The following HMCN2 variants were observed in gnomAD, a reference collection of about 807,000 sequenced individuals.
HMCN2 encodes hemicentin-2.
A neutral mutation model predicts 377.5 loss-of-function variants in HMCN2; 325 were observed. That is an observed-to-expected ratio of 0.86 (90% CI 0.79 to 0.94). HMCN2 has a LOEUF of 0.94. Ranked by LOEUF, HMCN2 falls within the 40% of genes least tolerant of loss-of-function variation. HMCN2 has a pLI of 0.00. For synonymous variants in HMCN2, 2,007 were observed against 2,046.8 expected (o/e 0.98, Z 0.53); for missense variants, 4,543 against 4,725.3 (o/e 0.96, Z 1.13).
chr9:130,350,254 G>A (rs1437871479), intron 29 of HMCN2, among the ~76,000 whole-genome samples: 3 of 150,982 alleles, frequency 2.0e-5, no homozygotes, highest in Admixed American at 1.3e-4. Context: ...TTCACATAAT[G>A]GGCTGGGTGT....
At chr9:130,348,933 G>A in intron 27 of HMCN2, 51 bp from the exon 28 acceptor site, 13 of 1,284,106 alleles carry the variant, frequency 1.0e-5, no homozygotes, top group Non-Finnish European at 1.2e-5. Context: ...TGATGCTGGG[G>A]GTGGTGGCTG....
intron 92 of HMCN2, among the ~76,000 whole-genome samples, chr9:130,427,948 C>T (rs1844485865): frequency 6.6e-6 from 1 of 152,208 alleles, no homozygotes; most frequent in South Asian, 2.1e-4. Context: ...TTCCAATTGA[C>T]TGAGACTGGC....
rs890568173 is a variant in HMCN2 at position 130,374,692 on chromosome 9, G to A, written c.7629G>A (p.Leu2543=). 6 of 985,694 alleles carry A rather than the reference G, an allele frequency of 6.1e-6. No individual in the cohort carries two copies. Among genetic ancestry groups the A allele is most frequent in the Admixed American group, 6.1e-5 (1 of 16,264 alleles). The allele number at this position is 985,694 out of a possible 1,614,324, so 61.1% of individuals were successfully genotyped here. ...CCAAACACTTCCAGCTCAGTGTCCT[G>A]TGTAAGTTTTGGGCATCTCCTGGCC... ...EKTKHFQLSV[L]LAPTILGGAE... The change falls in exon 49 of 98, where the codon CTG becomes CTA. Residue 2543 remains leucine (L), a splice_region_variant and synonymous_variant. Transcript: ENST00000683500.
chr9:130,406,329 C>T lies in HMCN2; in HGVS notation c.12553+161C>T, dbSNP rs889670996. ...CGTGGCCCTATGTAGGGGGACAGGG[C>T]AAACCCAGCTGTGGCCATATGTGAC... is the stretch of plus-strand genomic sequence containing the variant. On this transcript the variant is annotated intron_variant, in intron 82 of 97. Transcript: ENST00000683500. 4.1e-5 allele frequency: 20 copies of T among 484,918 alleles called. No homozygotes were observed. In the Admixed American group the frequency reaches 5.4e-4, roughly 13 times the overall value. The allele number at this position is 484,918 out of a possible 1,614,324, so 30.0% of individuals were successfully genotyped here.
chr9:130,427,572 C>A lies in HMCN2; in HGVS notation c.14018C>A (p.Thr4673Asn). The change falls in exon 92 of 98, where the codon ACC (threonine) becomes AAC (asparagine). Residue 4673 changes from threonine (T) to asparagine (N), a missense_variant. Coordinates refer to ENST00000683500, the MANE Select transcript of HMCN2 (RefSeq NM_001291815.2). ...AATGCACCCGGCCGCTTCTCCTGCACCTGCCCCACTGGCTTCGCCCTGGCC... is the reference window on the plus strand; with the variant it reads ...AATGCACCCGGCCGCTTCTCCTGCAACTGCCCCACTGGCTTCGCCCTGGCC... The part of the protein sequence containing the change: ...CLNAPGRFSC[T>N]CPTGFALAWD... 1 of 1,550,540 alleles carries A rather than the reference C, an allele frequency of 6.4e-7. No homozygotes were observed. The highest frequency in any genetic ancestry group is 8.7e-7 in the Non-Finnish European group (1 of 1,146,996).
At chr9:130,366,145 T>G in intron 43 of HMCN2, 150 bp downstream of exon 43, 1 of 518,422 alleles carries the variant, frequency 1.9e-6, no homozygotes, top group Non-Finnish European at 2.5e-6. Context: ...ACAGAAGTGG[T>G]GCTTCCCCCA....
chr9:130,367,717 G>A (rs553699926), intron 43 of HMCN2, among the ~76,000 whole-genome samples: 40 of 152,020 alleles, frequency 2.6e-4, no homozygotes, highest in Middle Eastern at 3.4e-3. Context: ...CGAGGCAGTG[G>A]GTCACCTGAG....
At chr9:130,313,015 G>A (rs1398743815) in intron 15 of HMCN2, among the ~76,000 whole-genome samples, 1 of 152,230 alleles carries the variant, frequency 6.6e-6, no homozygotes, top group East Asian at 1.9e-4. Flanking sequence ...CTGTTCCTTC[G>A]CCTGTCTGCT....
At chr9:130,431,579 T>A (rs1432361987) in intron 96 of HMCN2, 93 bp downstream of exon 96, 5 of 1,469,510 alleles carry the variant, frequency 3.4e-6, no homozygotes, top group Non-Finnish European at 4.5e-6. Flanking sequence ...CTCCGTTCAC[T>A]CCAGCCCCTT....
intron 43 of HMCN2, 30 bp from the exon 44 acceptor site, chr9:130,368,246 G>C (rs1840802561): frequency 1.0e-6 from 1 of 985,310 alleles, no homozygotes; most frequent in African/African-American, 1.7e-5. Context: ...AAATGCCCTG[G>C]ACCAGGAGTT....
intron 25 of HMCN2, among the ~76,000 whole-genome samples, chr9:130,343,086 G>A (rs1033773044): frequency 1.3e-5 from 2 of 152,298 alleles, no homozygotes; most frequent in South Asian, 2.1e-4. Context: ...GACCCCACGC[G>A]TGCACAGGGC....
intron 8 of HMCN2, among the ~76,000 whole-genome samples, 190 bp downstream of exon 8, chr9:130,299,478 A>T (rs1836353802): frequency 6.6e-6 from 1 of 152,132 alleles, no homozygotes; most frequent in Non-Finnish European, 1.5e-5. Flanking sequence ...CTCTCAGCTC[A>T]AGGATTTAGA....
Position 130,369,793 on chromosome 9 carries a change from C to A in HMCN2, c.7011C>A (p.Ser2337Arg). The A allele has an allele frequency of 1.0e-6, 1 of 986,050 alleles. No individual in the cohort carries two copies. The highest frequency in any genetic ancestry group is 1.2e-6 in the Non-Finnish European group (1 of 830,142). 61.1% of individuals were successfully genotyped at this position (986,050 alleles called of 1,614,324 possible). ...AGGCTGCCCACACTGGACGCTACAG[C>A]TGTGTGGCCGAGAACCTGGCTGGGA... ...RAQAAHTGRY[S>R]CVAENLAGRA... Residue 2337 changes from serine (S) to arginine (R), a missense_variant, in exon 45 of 98, where the codon AGC (serine) becomes AGA (arginine). Physicochemically the swap from Ser to Arg is moderately radical, Grantham distance 110. Transcript: ENST00000683500. The surrounding 1 kb of genome is among the most constrained non-coding windows in gnomAD (Gnocchi z 4.5).
chr9:130,360,770 A>G lies in HMCN2; in HGVS notation c.5950+166A>G, dbSNP rs1840342047. 6.7e-6 allele frequency among the ~76,000 whole-genome samples: 1 copy of G among 149,450 alleles called. No homozygotes were observed. Among genetic ancestry groups the G allele is most frequent in the South Asian group, 2.1e-4 (1 of 4,716 alleles). ...CATCCAACCATCCATCCATCCATCCATCCATCCATCCATCCATCCCACCCA... is the reference window on the plus strand; with the variant it reads ...CATCCAACCATCCATCCATCCATCCGTCCATCCATCCATCCATCCCACCCA... On this transcript the variant is annotated intron_variant, in intron 38 of 97. Transcript: ENST00000683500. The surrounding 1 kb of genome is among the most constrained non-coding windows in gnomAD (Gnocchi z 4.7).
intron 32 of HMCN2, 97 bp downstream of exon 32, chr9:130,355,141 A>T: frequency 6.1e-6 from 6 of 988,220 alleles, no homozygotes; most frequent in African/African-American, 1.7e-5. Context: ...GAGTGGAGGG[A>T]GGGTGGGGAG....
At position 130,349,589 on chromosome 9, in the gene HMCN2, C is replaced by A. The variant is rs963725230; in HGVS notation, c.4356C>A (p.Ala1452=). ...AGAAQEVLGL[A]GADVELQCWT... The stretch of plus-strand genomic sequence containing the variant: ...CCGCTCAGGAGGTGCTAGGATTGGC[C>A]GGTGCAGACGTGGAGCTGCAGTGTT... The change falls in exon 29 of 98, where the codon GCC becomes GCA. Residue 1452 remains alanine (A), a synonymous_variant. Transcript: ENST00000683500. The A allele has an allele frequency of 1.9e-4, 244 of 1,303,884 alleles. No individual in the cohort carries two copies. The highest frequency in any genetic ancestry group is 2.4e-4 in the Non-Finnish European group (234 of 988,916). The allele number at this position is 1,303,884 out of a possible 1,614,324, so 80.8% of individuals were successfully genotyped here. A position where few individuals can be genotyped will look rare whatever the true frequency, so the allele number is the denominator to read the frequency against.
intron 4 of HMCN2, among the ~76,000 whole-genome samples, chr9:130,290,426 A>G (rs1270830186): frequency 2.6e-5 from 4 of 152,194 alleles, no homozygotes; most frequent in African/African-American, 9.7e-5. Context: ...AGCTTGTAAC[A>G]GCAGTTACGA....
At position 130,342,335 on chromosome 9, in the gene HMCN2, G is replaced by A. The variant is rs1397892603; in HGVS notation, c.3743-15G>A. The A allele has an allele frequency of 6.6e-6, 1 of 152,294 alleles. No individual in the cohort carries two copies. The highest frequency in any genetic ancestry group is 2.4e-5 in the African/African-American group (1 of 41,444). 9.4% of individuals were successfully genotyped at this position (152,294 alleles called of 1,614,324 possible). On this transcript the variant is annotated splice_polypyrimidine_tract_variant and intron_variant, in intron 24 of 97. Coordinates refer to ENST00000683500, the MANE Select transcript of HMCN2 (RefSeq NM_001291815.2). ...GGGCCCGAGGTAGGAGTGTGGCCAT[G>A]TTGCCTCCCTACAGAGCCACCACAC...
At chr9:130,381,569 G>A (rs141158464) in intron 54 of HMCN2, among the ~76,000 whole-genome samples, 2,032 of 152,182 alleles carry the variant, frequency 0.013, 48 homozygotes, top group African/African-American at 0.046. Flanking sequence ...GGGTTTCGCC[G>A]TGTTGGCCAG....
Sources: gnomAD v4.1 joint callset for allele counts (sites outside exome capture counted in the v4.1 genomes callset) on GRCh38, gnomAD v4.1.1 for gene constraint, Gnocchi (gnomAD v3.1) non-coding constraint, MANE v1.5 for transcripts, NCBI Gene and HGNC (gene_info 2026-07-23, HGNC 2026-07-21) for gene names.